The following THSD7B variants were observed in gnomAD, a reference collection of about 807,000 sequenced individuals.
THSD7B encodes the protein thrombospondin type-1 domain-containing protein 7B.
A neutral mutation model predicts 213.6 loss-of-function variants in THSD7B; 138 were observed. The observed-to-expected ratio is 0.65, with a 90% CI of 0.56 to 0.74. The LOEUF (loss-of-function observed/expected upper bound fraction) is 0.74, where lower values mean the gene tolerates loss of function less well. Ranked by LOEUF, THSD7B falls within the 30% of genes least tolerant of loss-of-function variation. The pLI, the probability that THSD7B is intolerant of heterozygous loss-of-function variation, is 0.00. For missense variants in THSD7B, 1,931 were observed against 1,991.5 expected (o/e 0.97, Z 0.58); for synonymous variants, 742 against 687.0 (o/e 1.08, Z -1.25).
At chr2:137,540,114 G>A (rs2105190989) in intron 15 of THSD7B, among the ~76,000 whole-genome samples, 1 of 151,770 alleles carries the variant, frequency 6.6e-6, no homozygotes, top group Non-Finnish European at 1.5e-5. Flanking sequence ...ATGAGCTCTT[G>A]TTGCCACTAC....
chr2:136,845,560 A>C (rs1682994844), intron 1 of THSD7B, among the ~76,000 whole-genome samples: 1 of 152,224 alleles, frequency 6.6e-6, no homozygotes. Context: ...TAATCATAAG[A>C]GCATAACTGA....
At chr2:137,038,984 T>G (rs1686828263) in intron 2 of THSD7B, among the ~76,000 whole-genome samples, 1 of 152,162 alleles carries the variant, frequency 6.6e-6, no homozygotes, top group East Asian at 1.9e-4. Context: ...ATTTTATGAA[T>G]TAGCACTGAA....
chr2:137,178,981 A>C (rs1246251945), intron 7 of THSD7B, among the ~76,000 whole-genome samples: 1 of 152,138 alleles, frequency 6.6e-6, no homozygotes, highest in Admixed American at 6.5e-5. Flanking sequence ...CTTAGAGCAA[A>C]TTGCTTCCTG....
Position 137,472,462 on chromosome 2 carries a change from T to C in THSD7B, c.3138+21439T>C, listed in dbSNP as rs147583075. Among the ~76,000 whole-genome samples, 44 of 152,318 alleles carry C rather than the reference T, an allele frequency of 2.9e-4. 1 individual carries two copies. The East Asian group carries it at 8.3e-3, about 29-fold the overall frequency. On this transcript the variant is annotated intron_variant, in intron 15 of 27. Transcript: ENST00000409968. Reference sequence around the variant, plus strand: ...AATAGTTAAAACTAAATTGTACCTTTATGAAAAATAACTATGTATTTCAAA... The same window carrying C: ...AATAGTTAAAACTAAATTGTACCTTCATGAAAAATAACTATGTATTTCAAA...
intron 9 of THSD7B, 37 bp downstream of exon 9, chr2:137,233,170 A>G (rs1157666847): frequency 1.9e-6 from 3 of 1,557,128 alleles, no homozygotes; most frequent in Non-Finnish European, 2.6e-6. Context: ...GCATTTGCTT[A>G]TTTCATGTTG....
chr2:137,156,444 C>T (rs1679910593), intron 5 of THSD7B, among the ~76,000 whole-genome samples: 1 of 152,166 alleles, frequency 6.6e-6, no homozygotes, highest in South Asian at 2.1e-4. Context: ...CCTGGTCCTC[C>T]AATATGTCAC....
intron 2 of THSD7B, among the ~76,000 whole-genome samples, chr2:136,927,430 G>A (rs891181465): frequency 2.6e-5 from 4 of 152,084 alleles, no homozygotes; most frequent in African/African-American, 9.7e-5. Context: ...ACTAACAAGA[G>A]GTTTTTCCTC....
At chr2:136,797,782 T>C (rs66519315) in intron 1 of THSD7B, among the ~76,000 whole-genome samples, 21,305 of 151,956 alleles carry the variant, frequency 0.14, 2,233 homozygotes, top group Non-Finnish European at 0.22. Flanking sequence ...CATTAGTACC[T>C]TAGAAGGAAA....
intron 12 of THSD7B, among the ~76,000 whole-genome samples, chr2:137,400,992 G>A (rs939619108): frequency 6.6e-6 from 1 of 152,224 alleles, no homozygotes; most frequent in African/African-American, 2.4e-5. Flanking sequence ...TGAAACCGCT[G>A]ACATGCCAAA....
At chr2:136,985,498 GT>G (rs1359566164) in intron 2 of THSD7B, among the ~76,000 whole-genome samples, 4 of 152,218 alleles carry the variant, frequency 2.6e-5, no homozygotes, top group Non-Finnish European at 5.9e-5. Context: ...TCCACATGGT[GT>G]TAATTCTGGC....
At position 136,820,231 on chromosome 2, in the gene THSD7B, G is replaced by A. The variant is rs141406411; in HGVS notation, c.-36+54544G>A. Among the ~76,000 whole-genome samples, 7 of 152,292 alleles carry A rather than the reference G, an allele frequency of 4.6e-5. No individual in the cohort carries two copies. The East Asian group carries it at 7.7e-4, about 17-fold the overall frequency. ...GCTGGATAGGGTGGGTGCTCAATTA[G>A]TATTGGTTGAACTACAAATAAAAAT... On this transcript the variant is annotated intron_variant, in intron 1 of 27. Transcript: ENST00000409968.
chr2:136,862,558 G>A (rs766652215), intron 1 of THSD7B, among the ~76,000 whole-genome samples: 1 of 152,094 alleles, frequency 6.6e-6, no homozygotes, highest in Non-Finnish European at 1.5e-5. Flanking sequence ...GCTCGCAGTC[G>A]AATGGGTGAA....
chr2:137,375,473 T>C (rs1385830317), intron 12 of THSD7B, among the ~76,000 whole-genome samples: 2 of 152,224 alleles, frequency 1.3e-5, no homozygotes, highest in Non-Finnish European at 1.5e-5. Context: ...TAAATTCATT[T>C]CCTTCATGTT....
chr2:136,982,960 C>A (rs1222307247), intron 2 of THSD7B, among the ~76,000 whole-genome samples: 1 of 152,000 alleles, frequency 6.6e-6, no homozygotes. Context: ...TTCCAAGATA[C>A]CTCTTGACTT....
intron 20 of THSD7B, among the ~76,000 whole-genome samples, chr2:137,624,370 A>C (rs1682582224): frequency 6.6e-6 from 1 of 152,250 alleles, no homozygotes; most frequent in Non-Finnish European, 1.5e-5. Context: ...AAAACCATAA[A>C]AACCCTAGAA....
intron 6 of THSD7B, among the ~76,000 whole-genome samples, chr2:137,169,451 G>A (rs1167861786): frequency 2.0e-5 from 3 of 151,892 alleles, no homozygotes; most frequent in Admixed American, 1.3e-4. Context: ...TTTCATGAGA[G>A]AGATGTTACC....
At chr2:137,322,518 C>A (rs552215083) in intron 12 of THSD7B, among the ~76,000 whole-genome samples, 1 of 152,102 alleles carries the variant, frequency 6.6e-6, no homozygotes, top group Non-Finnish European at 1.5e-5. Flanking sequence ...TTATATATAA[C>A]GAGACTGAAT....
chr2:137,445,416 T>C (rs1046911400), intron 14 of THSD7B, among the ~76,000 whole-genome samples: 9 of 151,960 alleles, frequency 5.9e-5, no homozygotes, highest in African/African-American at 2.2e-4. Context: ...GAATATTATT[T>C]GTCCATGAAG....
intron 17 of THSD7B, among the ~76,000 whole-genome samples, chr2:137,580,176 A>G (rs972063405): frequency 6.6e-6 from 1 of 152,172 alleles, no homozygotes; most frequent in Non-Finnish European, 1.5e-5. Context: ...TCCTATACCA[A>G]CTAGTTTCTG....
Sources: gnomAD v4.1 joint callset for allele counts (sites outside exome capture counted in the v4.1 genomes callset) on GRCh38, gnomAD v4.1.1 for gene constraint, MANE v1.5 for transcripts, NCBI Gene and HGNC (gene_info 2026-07-23, HGNC 2026-07-21) for gene names.